AGBL4: variants seen among roughly 807,000 people sequenced by gnomAD.
AGBL4 encodes the protein AGBL carboxypeptidase 4.
In AGBL4, 58 loss-of-function variants were observed where a neutral mutation model predicts 66.4. The observed-to-expected ratio is 0.87, with a 90% CI of 0.71 to 1.09. The LOEUF is 1.09. AGBL4 is among the 50% of genes least tolerant of loss of function. AGBL4 has a pLI of 0.00. For missense variants in AGBL4, 579 were observed against 631.0 expected (o/e 0.92, Z 0.88); for synonymous variants, 234 against 222.9 (o/e 1.05, Z -0.44).
At chr1:49,647,321 G>C (rs537875024) in intron 3 of AGBL4, among the ~76,000 whole-genome samples, 2 of 152,106 alleles carry the variant, frequency 1.3e-5, no homozygotes, top group South Asian at 4.1e-4. Flanking sequence ...AGATTCATAA[G>C]AGAAATGAGA....
intron 6 of AGBL4, among the ~76,000 whole-genome samples, chr1:48,675,606 C>T (rs7512730): frequency 0.02 from 3,046 of 152,308 alleles, 105 homozygotes; most frequent in African/African-American, 0.068. Flanking sequence ...CAATCAGCTA[C>T]ACTTAACACC....
At chr1:48,783,150 A>G (rs1645336312) in intron 6 of AGBL4, among the ~76,000 whole-genome samples, 1 of 152,190 alleles carries the variant, frequency 6.6e-6, no homozygotes, top group African/African-American at 2.4e-5. Flanking sequence ...CTGTGCTGCA[A>G]GCTGAGGGCC....
At chr1:48,683,295 G>A (rs1300012241) in intron 6 of AGBL4, among the ~76,000 whole-genome samples, 2 of 152,146 alleles carry the variant, frequency 1.3e-5, no homozygotes, top group African/African-American at 2.4e-5. Context: ...CTCCAGCTCC[G>A]GAGAGAAACT....
intron 5 of AGBL4, among the ~76,000 whole-genome samples, chr1:48,930,378 T>G (rs1201935392): frequency 2.0e-5 from 3 of 152,108 alleles, no homozygotes; most frequent in Admixed American, 2.0e-4. Context: ...TTGTTGTTGT[T>G]TTGAATGGCA....
At chr1:49,945,060 G>C (rs1453053135) in intron 1 of AGBL4, among the ~76,000 whole-genome samples, 1 of 152,038 alleles carries the variant, frequency 6.6e-6, no homozygotes. Flanking sequence ...CAAGAAGTCT[G>C]GGTTTATGTT....
At chr1:49,520,699 T>C (rs1296185770) in intron 3 of AGBL4, among the ~76,000 whole-genome samples, 1 of 152,060 alleles carries the variant, frequency 6.6e-6, no homozygotes, top group Non-Finnish European at 1.5e-5. Flanking sequence ...TAGACGCTGA[T>C]TTCCAAACAC....
chr1:48,786,209 T>C (rs1220191924), intron 6 of AGBL4, among the ~76,000 whole-genome samples: 1 of 152,222 alleles, frequency 6.6e-6, no homozygotes, highest in Non-Finnish European at 1.5e-5. Flanking sequence ...CTAATGATTA[T>C]TGATTTCCAT....
At chr1:48,858,168 GAT>G (rs1442048209) in intron 6 of AGBL4, among the ~76,000 whole-genome samples, 2 of 152,178 alleles carry the variant, frequency 1.3e-5, no homozygotes, top group Non-Finnish European at 2.9e-5. Flanking sequence ...GTAATAAAAA[GAT>G]AGATAATAAC....
At chr1:48,577,436 C>A (rs762784859) in intron 11 of AGBL4, among the ~76,000 whole-genome samples, 1 of 152,168 alleles carries the variant, frequency 6.6e-6, no homozygotes, top group Admixed American at 6.5e-5. Context: ...AGAAACTTTA[C>A]AACTTTGTAA....
At chr1:49,478,967 T>A (rs1316599135) in intron 3 of AGBL4, among the ~76,000 whole-genome samples, 1 of 151,768 alleles carries the variant, frequency 6.6e-6, no homozygotes, top group Non-Finnish European at 1.5e-5. Context: ...ATGTTAACCT[T>A]AAATCAAAAA....
rs35734647 is a variant in AGBL4 at position 49,542,896 on chromosome 1, C to CAAAA, written c.282+154413_282+154416dup. On this transcript the variant is annotated intron_variant, in intron 3 of 13. Coordinates refer to ENST00000371839, the MANE Select transcript of AGBL4 (RefSeq NM_032785.4). ...CCTGGGTGACAGAGTAAGACTCCAT[C>CAAAA]AAAAAAAAAAAAAAAAAAAAAAAAA... Among the ~76,000 whole-genome samples, 22 of 22,888 alleles carry CAAAA rather than the reference C, an allele frequency of 9.6e-4. 4 individuals carry two copies. Among genetic ancestry groups the CAAAA allele is most frequent in the African/African-American group, 3.7e-3 (18 of 4,900 alleles). The allele number at this position is 22,888 out of a possible 152,430, so 15.0% of individuals were successfully genotyped here.
intron 3 of AGBL4, among the ~76,000 whole-genome samples, chr1:49,569,515 T>TA (rs1644284322): frequency 6.6e-6 from 1 of 152,110 alleles, no homozygotes; most frequent in Admixed American, 6.6e-5. Flanking sequence ...CACACAAAAA[T>TA]AAAAAATTAA....
intron 3 of AGBL4, among the ~76,000 whole-genome samples, chr1:49,282,631 T>C (rs1809791): frequency 0.44 from 66,319 of 151,866 alleles, 16,973 homozygotes; most frequent in Non-Finnish European, 0.58. Context: ...CACTAGGGAG[T>C]GCCAGACAGT....
intron 6 of AGBL4, chr1:48,760,934 A>G (rs1397472279): frequency 6.4e-6 from 1 of 156,974 alleles, no homozygotes; most frequent in Non-Finnish European, 1.4e-5. Flanking sequence ...TGCACTTCCC[A>G]ATGAGTCCAG....
intron 3 of AGBL4, among the ~76,000 whole-genome samples, chr1:49,390,359 G>C (rs1644820276): frequency 6.6e-6 from 1 of 152,186 alleles, no homozygotes. Flanking sequence ...ACCAGAGGAT[G>C]ATCAATGATA....
At chr1:49,039,343 G>A (rs1299950098) in intron 5 of AGBL4, among the ~76,000 whole-genome samples, 2 of 152,228 alleles carry the variant, frequency 1.3e-5, no homozygotes, top group South Asian at 2.1e-4. Context: ...GAATCTGGGT[G>A]TTAATGATGT....
chr1:49,149,709 C>T (rs1221366203), intron 4 of AGBL4, among the ~76,000 whole-genome samples: 1 of 152,122 alleles, frequency 6.6e-6, no homozygotes, highest in Non-Finnish European at 1.5e-5. Context: ...AATGCTGAAG[C>T]ATCACGAGTA....
chr1:49,107,739 A>G (rs1645326611), intron 4 of AGBL4, among the ~76,000 whole-genome samples: 1 of 131,230 alleles, frequency 7.6e-6, no homozygotes. Flanking sequence ...GAGAGAGACA[A>G]TATTTACATG....
At chr1:50,015,772 C>T (rs1473286208) in intron 1 of AGBL4, among the ~76,000 whole-genome samples, 1 of 152,106 alleles carries the variant, frequency 6.6e-6, no homozygotes, top group Non-Finnish European at 1.5e-5. Flanking sequence ...GTAACTAAAA[C>T]AGCATGGTAC....
Sources: allele counts gnomAD v4.1 joint callset (sites outside exome capture counted in the v4.1 genomes callset), GRCh38; gene constraint gnomAD v4.1.1; transcripts MANE v1.5; gene names NCBI Gene and HGNC (gene_info 2026-07-23, HGNC 2026-07-21).